The following NMNAT2 variants were observed in gnomAD, a reference collection of about 807,000 sequenced individuals.
The protein encoded by NMNAT2 is nicotinamide/nicotinic acid mononucleotide adenylyltransferase 2.
A neutral mutation model predicts 41.6 loss-of-function variants in NMNAT2; 11 were observed. The ratio of observed to expected loss-of-function variants is 0.26; its 90% CI spans 0.17 to 0.44. The LOEUF (loss-of-function observed/expected upper bound fraction) is 0.44. Among genes scored for constraint, NMNAT2 ranks in the 20% least tolerant of loss-of-function variants. The pLI, the probability that NMNAT2 is intolerant of heterozygous loss-of-function variation, is 1.00. For missense variants in NMNAT2, 288 were observed against 407.7 expected, an observed-to-expected ratio of 0.71 and a Z score of 2.53; for synonymous variants, 148 against 151.2, an observed-to-expected ratio of 0.98 and a Z score of 0.16.
At position 183,250,298 on chromosome 1, in the gene NMNAT2, A is replaced by T. The variant is rs201277108; in HGVS notation, c.*2343T>A. Reference sequence around the variant, plus strand: ...CACAAAGCAACTCTTTCTTGGATTGATGGAGTCCGCTTCTGGGATTTCTTC... The same window carrying T: ...CACAAAGCAACTCTTTCTTGGATTGTTGGAGTCCGCTTCTGGGATTTCTTC... On this transcript the variant is annotated 3_prime_UTR_variant, in exon 11 of 11. Transcript: ENST00000287713. 2.0e-5 allele frequency: 3 copies of T among 152,190 alleles called. No individual in the cohort carries two copies. Among genetic ancestry groups the T allele is most frequent in the Non-Finnish European group, 4.4e-5 (3 of 68,082 alleles). 9.4% of individuals were successfully genotyped at this position (152,190 alleles called of 1,614,324 possible). A position where few individuals can be genotyped will look rare whatever the true frequency, so the allele number is the denominator to read the frequency against.
rs1161564610 is a variant in NMNAT2, at chr1:183,248,351, T to C, written c.*4290A>G. 6.6e-6 allele frequency: 1 copy of C among 152,666 alleles called. No homozygotes were observed. The highest frequency in any genetic ancestry group is 1.5e-5 in the Non-Finnish European group (1 of 68,050). 9.5% of individuals were successfully genotyped at this position (152,666 alleles called of 1,614,324 possible). On this transcript the variant is annotated 3_prime_UTR_variant, in exon 11 of 11. Coordinates refer to ENST00000287713, the MANE Select transcript of NMNAT2 (RefSeq NM_015039.4). ...AAAATATTTCACTGTGAAATGGTAT[T>C]GCAACTTGAATATCATTTTTTATTA...
chr1:183,296,803 C>T lies in NMNAT2; in HGVS notation c.86-3010G>A, dbSNP rs189602598. ...TGCTGGGATTACAGGCATGAGCCAC[C>T]GCACCCAGCCCCATATTTGCTTTTT... is the stretch of plus-strand genomic sequence containing the variant. On this transcript the variant is annotated intron_variant, in intron 1 of 10. Coordinates refer to ENST00000287713, the MANE Select transcript of NMNAT2 (RefSeq NM_015039.4). 3.9e-5 allele frequency among the ~76,000 whole-genome samples: 6 copies of T among 152,184 alleles called. No individual in the cohort carries two copies. In the East Asian group the frequency reaches 7.7e-4, roughly 20 times the overall value.
At chr1:183,260,046 C>A (rs1660618781) in intron 10 of NMNAT2, among the ~76,000 whole-genome samples, 1 of 152,204 alleles carries the variant, frequency 6.6e-6, no homozygotes. Context: ...GCCCCTAATA[C>A]CCATTCTTTC....
chr1:183,415,258 T>C (rs1405573619), intron 1 of NMNAT2, among the ~76,000 whole-genome samples: 1 of 152,210 alleles, frequency 6.6e-6, no homozygotes, highest in African/African-American at 2.4e-5. Context: ...GCTGGGATTG[T>C]AGGAGTGAGC....
rs114621933 is a variant in NMNAT2 at position 183,262,656 on chromosome 1, G to A, written c.652-1353C>T. ...TGATTATTTTCTTAGGATAAGAAATGATATAATTGGATAAAAGGATATAAA... is the reference window on the plus strand; with the variant it reads ...TGATTATTTTCTTAGGATAAGAAATAATATAATTGGATAAAAGGATATAAA... On this transcript the variant is annotated intron_variant, in intron 8 of 10. Transcript: ENST00000287713. 3.9e-3 allele frequency among the ~76,000 whole-genome samples: 589 copies of A among 152,280 alleles called. 2 individuals are homozygous for A. Among genetic ancestry groups the A allele is most frequent in the African/African-American group, 0.014 (565 of 41,544 alleles).
intron 1 of NMNAT2, among the ~76,000 whole-genome samples, chr1:183,355,347 C>G (rs1663161348): frequency 6.6e-6 from 1 of 152,162 alleles, no homozygotes; most frequent in African/African-American, 2.4e-5. Flanking sequence ...GTTTCCAGAC[C>G]AGTGGCACCA....
At chr1:183,369,041 C>T (rs562428704) in intron 1 of NMNAT2, among the ~76,000 whole-genome samples, 1 of 152,308 alleles carries the variant, frequency 6.6e-6, no homozygotes, top group East Asian at 1.9e-4. Flanking sequence ...GAGACCCCTT[C>T]TCACGGCAAC....
Position 183,283,988 on chromosome 1 carries a change from C to G in NMNAT2, c.574+7G>C. The G allele has an allele frequency of 6.2e-7, 1 of 1,613,984 alleles. No individual in the cohort carries two copies. The highest frequency in any genetic ancestry group is 8.5e-7 in the Non-Finnish European group (1 of 1,179,920). On this transcript the variant is annotated splice_region_variant and intron_variant, in intron 7 of 10. Transcript: ENST00000287713. ...CCCATTTTCCGCACTTTCGCAGTCC[C>G]ACTCACCAATCTCTTCATACCGCAT...
intron 1 of NMNAT2, among the ~76,000 whole-genome samples, chr1:183,326,869 T>A (rs1435165791): frequency 6.6e-6 from 1 of 151,998 alleles, no homozygotes; most frequent in Non-Finnish European, 1.5e-5. Flanking sequence ...CTCTGAGGGT[T>A]AAAGAAGGGA....
At chr1:183,276,237 GAACATATTTGACCCA>G in intron 8 of NMNAT2, among the ~76,000 whole-genome samples, 1 of 152,294 alleles carries the variant, frequency 6.6e-6, no homozygotes, top group African/African-American at 2.4e-5. Context: ...AGTCAAGTGG[GAACATATTTGACCCA>G]GTGAGTTCAC....
chr1:183,418,109 C>T, intron 1 of NMNAT2, 74 bp downstream of exon 1: 1 of 1,400,434 alleles, frequency 7.1e-7, no homozygotes, highest in Non-Finnish European at 1.0e-6. Context: ...CCCGTTCGAT[C>T]GCCCTGGAAA....
intron 1 of NMNAT2, among the ~76,000 whole-genome samples, chr1:183,373,546 C>T (rs1663599270): frequency 6.6e-6 from 1 of 152,054 alleles, no homozygotes; most frequent in African/African-American, 2.4e-5. Flanking sequence ...CAAGGAAAAA[C>T]AAGTGTCCAC....
intron 1 of NMNAT2, among the ~76,000 whole-genome samples, chr1:183,390,306 T>C (rs1648441971): frequency 6.6e-6 from 1 of 152,190 alleles, no homozygotes; most frequent in East Asian, 1.9e-4. Context: ...AGTGAGGAAA[T>C]GTCAACAGTC....
chr1:183,352,864 G>T lies in NMNAT2; in HGVS notation c.86-59071C>A, dbSNP rs186529816. On this transcript the variant is annotated intron_variant, in intron 1 of 10. Transcript: ENST00000287713. ...TGACTGAAGTACTTTGCAGCTCTGAGATTCTGTGATTCAAGAATTCTCTGA... is the reference window on the plus strand; with the variant it reads ...TGACTGAAGTACTTTGCAGCTCTGATATTCTGTGATTCAAGAATTCTCTGA... 3.9e-4 allele frequency among the ~76,000 whole-genome samples: 59 copies of T among 152,300 alleles called. 1 individual carries two copies. Among genetic ancestry groups the T allele is most frequent in the African/African-American group, 1.2e-3 (51 of 41,568 alleles).
At chr1:183,390,062 G>A (rs1648429630) in intron 1 of NMNAT2, among the ~76,000 whole-genome samples, 2 of 152,040 alleles carry the variant, frequency 1.3e-5, no homozygotes, top group Non-Finnish European at 2.9e-5. Context: ...CCAGGGGTTT[G>A]GAAGGCATTA....
chr1:183,278,655 A>G (rs766283417), intron 7 of NMNAT2, 26 bp from the exon 8 acceptor site: 3 of 1,550,642 alleles, frequency 1.9e-6, no homozygotes, highest in South Asian at 2.2e-5. Context: ...AAAGTTTGCA[A>G]AGGGAGTAAG....
intron 4 of NMNAT2, among the ~76,000 whole-genome samples, chr1:183,289,023 C>A (rs150679704): frequency 1.7e-3 from 252 of 152,334 alleles, no homozygotes; most frequent in African/African-American, 5.8e-3. Flanking sequence ...ACCTCACTTG[C>A]CCTTAGCTCC....
chr1:183,410,927 A>C (rs557702252), intron 1 of NMNAT2, among the ~76,000 whole-genome samples: 1 of 152,140 alleles, frequency 6.6e-6, no homozygotes, highest in South Asian at 2.1e-4. Flanking sequence ...TATAAATTCC[A>C]GGCTGGTCTC....
chr1:183,391,809 T>C (rs1333565979), intron 1 of NMNAT2, among the ~76,000 whole-genome samples: 1 of 152,186 alleles, frequency 6.6e-6, no homozygotes, highest in Admixed American at 6.5e-5. Context: ...CTCAGAAATG[T>C]CTGACATGAT....
Sources: gnomAD v4.1 joint callset for allele counts (sites outside exome capture counted in the v4.1 genomes callset) on GRCh38, gnomAD v4.1.1 for gene constraint, MANE v1.5 for transcripts, NCBI Gene and HGNC (gene_info 2026-07-23, HGNC 2026-07-21) for gene names.